MBD5: variants seen among roughly 807,000 people sequenced by gnomAD.
The protein encoded by MBD5 is methyl-CpG-binding domain protein 5.
In MBD5, 13 loss-of-function variants were observed where a neutral mutation model predicts 117.3. That is an observed-to-expected ratio of 0.11 (90% CI 0.07 to 0.18). MBD5 has a LOEUF of 0.18. MBD5 is among the 10% of genes least tolerant of loss of function. The pLI is 1.00. For synonymous variants in MBD5, 727 were observed against 766.4 expected, an observed-to-expected ratio of 0.95 and a Z score of 0.85; for missense variants, 1,879 against 2,093.8, an observed-to-expected ratio of 0.90 and a Z score of 2.00.
chr2:148,483,057 A>G, intron 8 of MBD5, 53 bp from the exon 9 acceptor site: 2 of 1,583,540 alleles, frequency 1.3e-6, no homozygotes, highest in South Asian at 1.1e-5. Context: ...CTAGTCTCAC[A>G]TAACATTCAT....
At chr2:148,342,607 A>G (rs763214932) in intron 4 of MBD5, among the ~76,000 whole-genome samples, 2 of 151,960 alleles carry the variant, frequency 1.3e-5, no homozygotes, top group African/African-American at 2.4e-5. Context: ...ATTTTGTTAT[A>G]TCTTCCTGAA....
chr2:148,153,660 A>T (rs1298931492), intron 1 of MBD5, among the ~76,000 whole-genome samples: 11 of 127,310 alleles, frequency 8.6e-5, no homozygotes, highest in African/African-American at 3.3e-4. Flanking sequence ...TTTTTCTCTA[A>T]ACTTCCCTTC....
chr2:148,340,837 T>TACACAC lies in MBD5; in HGVS notation c.-679-1343_-679-1338dup, dbSNP rs141965837. Among the ~76,000 whole-genome samples, 1,105 of 142,542 alleles carry TACACAC rather than the reference T, an allele frequency of 7.8e-3. 14 individuals are homozygous for TACACAC. Among genetic ancestry groups the TACACAC allele is most frequent in the East Asian group, 0.054 (260 of 4,824 alleles). The allele number at this position is 142,542 out of a possible 152,430, so 93.5% of individuals were successfully genotyped here. On this transcript the variant is annotated intron_variant, in intron 3 of 13. Transcript: ENST00000642680. ...TCAGATATTTATTTTAAACCACACA[T>TACACAC]ACACACACACACACACACACACACA...
chr2:148,124,627 A>G (rs2105427727), intron 1 of MBD5, among the ~76,000 whole-genome samples: 2 of 152,312 alleles, frequency 1.3e-5, no homozygotes, highest in South Asian at 2.1e-4. Context: ...AAAGTGAAAG[A>G]TAAGTGTCTC....
intron 3 of MBD5, among the ~76,000 whole-genome samples, chr2:148,300,495 G>C (rs750488908): frequency 8.1e-5 from 12 of 148,398 alleles, no homozygotes; most frequent in Non-Finnish European, 1.8e-4. Context: ...ACAAAAAGAA[G>C]AAAGAAAAAA....
chr2:148,258,550 C>T (rs1191714580), intron 3 of MBD5, among the ~76,000 whole-genome samples: 12 of 152,128 alleles, frequency 7.9e-5, no homozygotes, highest in Non-Finnish European at 4.4e-5. Context: ...CGGCAAGTTC[C>T]CTAATGAAAC....
chr2:148,222,698 T>C (rs189468237), intron 2 of MBD5, among the ~76,000 whole-genome samples: 10 of 152,148 alleles, frequency 6.6e-5, no homozygotes, highest in Admixed American at 3.9e-4. Flanking sequence ...TTTCCAAATA[T>C]AATATTATGT....
intron 3 of MBD5, among the ~76,000 whole-genome samples, chr2:148,258,270 G>A (rs984671418): frequency 6.6e-6 from 1 of 152,192 alleles, no homozygotes; most frequent in Non-Finnish European, 1.5e-5. Flanking sequence ...AGGTATGGGA[G>A]AAACACACAC....
rs559002275 is a variant in MBD5 at position 148,110,888 on chromosome 2, C to T, written c.-924-67812C>T. ...AATTTATGCTATTTTTATCATTTCT[C>T]ATGAATCTTTCTTGTTCTCTGAGTT... is the stretch of plus-strand genomic sequence containing the variant. On this transcript the variant is annotated intron_variant, in intron 1 of 13. Transcript: ENST00000642680. 1.6e-4 allele frequency among the ~76,000 whole-genome samples: 25 copies of T among 152,056 alleles called. 1 individual carries two copies. In the South Asian group the frequency reaches 4.8e-3, roughly 29 times the overall value.
At chr2:148,207,517 C>G (rs1699314512) in intron 2 of MBD5, among the ~76,000 whole-genome samples, 1 of 150,808 alleles carries the variant, frequency 6.6e-6, no homozygotes, top group Non-Finnish European at 1.5e-5. Context: ...GGAAAAGTTA[C>G]TAATTGTCCC....
chr2:148,191,867 T>G (rs1478106671), intron 2 of MBD5, among the ~76,000 whole-genome samples: 14 of 112,544 alleles, frequency 1.2e-4, no homozygotes, highest in African/African-American at 3.2e-4. Context: ...CTAGCAAGAC[T>G]AATAAAGAAA....
intron 4 of MBD5, among the ~76,000 whole-genome samples, chr2:148,430,938 T>A (rs1300932055): frequency 6.6e-6 from 1 of 152,176 alleles, no homozygotes; most frequent in Admixed American, 6.6e-5. Context: ...AAATTACTTA[T>A]AATTAAACAT....
At chr2:148,129,459 G>A (rs1346513976) in intron 1 of MBD5, among the ~76,000 whole-genome samples, 1 of 152,010 alleles carries the variant, frequency 6.6e-6, no homozygotes, top group Non-Finnish European at 1.5e-5. Flanking sequence ...TCACACCACT[G>A]CACTCCAGAC....
chr2:148,229,521 G>C (rs1158164529), intron 2 of MBD5, among the ~76,000 whole-genome samples: 1 of 152,114 alleles, frequency 6.6e-6, no homozygotes, highest in Non-Finnish European at 1.5e-5. Context: ...ATTTGGTGAG[G>C]TCATGTTTTC....
intron 1 of MBD5, among the ~76,000 whole-genome samples, chr2:148,125,942 A>G (rs1366929550): frequency 6.6e-6 from 1 of 152,238 alleles, no homozygotes; most frequent in African/African-American, 2.4e-5. Context: ...GTAGAGTCCC[A>G]TGATTAGCTT....
rs1438653348 is a variant in MBD5 at position 148,489,497 on chromosome 2, C to T, written c.3865C>T (p.Pro1289Ser). The T allele has an allele frequency of 6.2e-7, 1 of 1,614,170 alleles. No homozygotes were observed. Among genetic ancestry groups the T allele is most frequent in the Non-Finnish European group, 8.5e-7 (1 of 1,180,038 alleles). Residue 1289 changes from proline to serine, a missense_variant, in exon 11 of 14, where the codon CCT becomes TCT. Pro to Ser is a moderately conservative substitution (Grantham distance 74, BLOSUM62 -1). This residue lies in a region of MBD5 where 1,666 missense variants were observed against 1,792.2 expected (regional missense o/e 0.93). Coordinates refer to ENST00000642680, the MANE Select transcript of MBD5 (RefSeq NM_001378120.1). ...TACACTTCCACCTTTTCAAGATACA[C>T]CTTGTGAGTTGCAACCGAGGATTGA... ...NTTLPPFQDTPCELQPRIDPS... is the reference protein window; with the variant it reads ...NTTLPPFQDTSCELQPRIDPS...
intron 4 of MBD5, among the ~76,000 whole-genome samples, chr2:148,387,143 T>C (rs1471637327): frequency 6.6e-6 from 1 of 152,176 alleles, no homozygotes; most frequent in Non-Finnish European, 1.5e-5. Context: ...TCATGAACTT[T>C]AATACAAAAT....
intron 1 of MBD5, among the ~76,000 whole-genome samples, chr2:148,090,720 A>G (rs1221007115): frequency 4.6e-5 from 7 of 152,298 alleles, no homozygotes; most frequent in East Asian, 1.9e-4. Flanking sequence ...ATGTATGACA[A>G]ACTCACAGCC....
At chr2:148,349,363 A>G (rs941404041) in intron 4 of MBD5, among the ~76,000 whole-genome samples, 1 of 152,000 alleles carries the variant, frequency 6.6e-6, no homozygotes, top group Non-Finnish European at 1.5e-5. Flanking sequence ...CCCTATTTAA[A>G]GCCTATTCTC....
Sources: allele counts gnomAD v4.1 joint callset (sites outside exome capture counted in the v4.1 genomes callset), GRCh38; gene constraint gnomAD v4.1.1; regional missense constraint gnomAD v4.1.1; transcripts MANE v1.5; gene names NCBI Gene and HGNC (gene_info 2026-07-23, HGNC 2026-07-21).